The following NUTM2G variants were observed in gnomAD, a reference collection of about 807,000 sequenced individuals.
The protein encoded by NUTM2G is family with sequence similarity 22, member G.
Under a neutral mutation model 44.3 loss-of-function variants are expected in NUTM2G, and 29 were observed. That is an observed-to-expected ratio of 0.66 (90% confidence interval 0.49 to 0.89). The LOEUF is 0.89. Among genes scored for constraint, NUTM2G ranks in the 40% least tolerant of loss-of-function variants. The pLI, the probability that NUTM2G is intolerant of heterozygous loss-of-function variation, is 0.00. For missense variants in NUTM2G, 502 were observed against 946.5 expected, an observed-to-expected ratio of 0.53 and a Z score of 6.16; for synonymous variants, 205 against 395.9, an observed-to-expected ratio of 0.52 and a Z score of 5.72.
intron 2 of NUTM2G, among the ~76,000 whole-genome samples, chr9:96,933,201 AT>A (rs1260119164): frequency 1.4e-5 from 2 of 147,462 alleles, no homozygotes; most frequent in Non-Finnish European, 3.0e-5. Flanking sequence ...GATGCTCTCA[AT>A]CTCCTGCCCT....
chr9:96,929,106 T>G, intron 1 of NUTM2G, 66 bp downstream of exon 1: 1 of 1,610,156 alleles, frequency 6.2e-7, no homozygotes. Context: ...AATTCAAATT[T>G]GAACTGTCCC....
chr9:96,932,192 G>A lies in NUTM2G; in HGVS notation c.487G>A (p.Ala163Thr), dbSNP rs552792896. 1 of 1,613,802 alleles carries A rather than the reference G, an allele frequency of 6.2e-7. No homozygotes were observed. The highest frequency in any genetic ancestry group is 1.7e-5 in the Admixed American group (1 of 60,020). The change falls in exon 2 of 7, where the codon GCT becomes ACT. Residue 163 changes from alanine to threonine, a missense_variant. Coordinates refer to ENST00000372322, the MANE Select transcript of NUTM2G (RefSeq NM_001170741.3). ...HGLPLPPPPP[A>T]AQVAPIVSPG... ...CCTTCCTCTTCCACCACCACCACCG[G>A]CTGCCCAGGTGGCCCCCATCGTGTC...
intron 2 of NUTM2G, among the ~76,000 whole-genome samples, chr9:96,934,127 C>T (rs1319994373): frequency 6.6e-6 from 1 of 152,080 alleles, no homozygotes; most frequent in Non-Finnish European, 1.5e-5. Context: ...GCTCTGAGTG[C>T]ACCACGAGCC....
At position 96,931,078 on chromosome 9, in the gene NUTM2G, G is replaced by A. The variant is rs1371919597; in HGVS notation, c.17-644G>A. Among the ~76,000 whole-genome samples, 5 of 151,776 alleles carry A rather than the reference G, an allele frequency of 3.3e-5. No homozygotes were observed. In the East Asian group the frequency reaches 9.7e-4, roughly 30 times the overall value. ...TAATTTTTGTATTTTAGTAGAGATGGGGTTTCACCACGTTGGCCAGACTGG... is the reference window on the plus strand; with the variant it reads ...TAATTTTTGTATTTTAGTAGAGATGAGGTTTCACCACGTTGGCCAGACTGG... On this transcript the variant is annotated intron_variant, in intron 1 of 6. Coordinates refer to ENST00000372322, the MANE Select transcript of NUTM2G (RefSeq NM_001170741.3).
At chr9:96,938,095 G>A (rs998018665) in intron 6 of NUTM2G, 94 bp downstream of exon 6, 1 of 1,508,554 alleles carries the variant, frequency 6.6e-7, no homozygotes, top group Admixed American at 1.7e-5. Flanking sequence ...CACCCTGCTG[G>A]GGATGTTCAG....
chr9:96,933,962 T>G (rs144607406), intron 2 of NUTM2G: 3 of 152,234 alleles, frequency 2.0e-5, no homozygotes, highest in Non-Finnish European at 4.4e-5. Flanking sequence ...GGCAAAGAGA[T>G]GACTTGAACT....
At chr9:96,932,652 A>AT (rs34371040) in intron 2 of NUTM2G, among the ~76,000 whole-genome samples, 2,680 of 130,162 alleles carry the variant, frequency 0.021, 16 homozygotes, top group Non-Finnish European at 0.027. Flanking sequence ...CCAATCCTTA[A>AT]TTTTTTTTTT....
Position 96,937,015 on chromosome 9 carries a change from C to G in NUTM2G, c.983-49C>G, listed in dbSNP as rs568714976. On this transcript the variant is annotated intron_variant, in intron 4 of 6. Transcript: ENST00000372322. ...CCTGCCCTCCCCTGTGTGGTGCAGG[C>G]AGGAGGAGCGGCCCTCACCACACCC... The G allele has an allele frequency of 4.5e-4, 669 of 1,486,050 alleles. 8 individuals are homozygous for G. The African/African-American group carries it at 8.3e-3, about 18-fold the overall frequency. The allele number at this position is 1,486,050 out of a possible 1,614,324, so 92.1% of individuals were successfully genotyped here.
chr9:96,933,784 C>G (rs191238654), intron 2 of NUTM2G: 7 of 153,298 alleles, frequency 4.6e-5, no homozygotes, highest in African/African-American at 1.4e-4. Flanking sequence ...CAGCAGAAAC[C>G]TGGCACACAC....
rs992682784 is a variant in NUTM2G at position 96,936,476 on chromosome 9, G to A, written c.894G>A (p.Trp298Ter). ...AGATGCAGATTCAGAAATCGCAGTG[G>A]ATGAAGGGGCCCCAGAGCCTGCCTC... ...EEEMQIQKSQ[W>*]MKGPQSLPPP... Residue 298 changes from tryptophan (W) to a stop codon, truncating the protein, a stop_gained, in exon 4 of 7, where the codon TGG becomes TGA. Coordinates refer to ENST00000372322, the MANE Select transcript of NUTM2G (RefSeq NM_001170741.3). LOFTEE classifies it high-confidence loss of function. The A allele has an allele frequency of 1.1e-5, 18 of 1,565,898 alleles. No homozygotes were observed. The highest frequency in any genetic ancestry group is 1.1e-4 in the African/African-American group (8 of 74,168).
chr9:96,932,968 C>T (rs1157771622), intron 2 of NUTM2G, among the ~76,000 whole-genome samples: 4 of 147,136 alleles, frequency 2.7e-5, no homozygotes, highest in Non-Finnish European at 5.9e-5. Flanking sequence ...ACTTTCTTTT[C>T]TTTTCTTTTC....
chr9:96,937,466 G>A (rs1326971660), intron 5 of NUTM2G, 62 bp downstream of exon 5: 2 of 1,471,248 alleles, frequency 1.4e-6, no homozygotes, highest in African/African-American at 2.8e-5. Flanking sequence ...CCAGGTCCTT[G>A]GAATTAAGCT....
In NUTM2G at chr9:96,931,744, C is replaced by T. The variant is rs776945579; in HGVS notation, c.39C>T (p.Gly13=). The part of the protein sequence containing the change: ...SNGAYPVLGP[G]VTVNPGTSLS... ...CAGCATACCCAGTGCTGGGACCCGG[C>T]GTGACCGTGAACCCTGGCACCTCCC... Residue 13 remains glycine (G), a synonymous_variant, in exon 2 of 7, where the codon GGC becomes GGT. Transcript: ENST00000372322. 18 of 1,611,468 alleles carry T rather than the reference C, an allele frequency of 1.1e-5. No homozygotes were observed. The highest frequency in any genetic ancestry group is 6.6e-5 in the South Asian group (6 of 90,974).
chr9:96,937,178 CA>C lies in NUTM2G; in HGVS notation c.1098del (p.Ala367GlnfsTer53). 6.2e-7 allele frequency: 1 copy of C among 1,612,676 alleles called. No individual in the cohort carries two copies. The highest frequency in any genetic ancestry group is 1.1e-5 in the South Asian group (1 of 91,020). ...CTGCCACCACCCAGGCCCCCGAGGCCAGCAGAGACCAAGGTCCCTGAGGAGA... is the reference window on the plus strand; with the variant it reads ...CTGCCACCACCCAGGCCCCCGAGGCCGCAGAGACCAAGGTCCCTGAGGAGA... ...AHLPPPRPPR[P>X]AETKVPEEIP... On this transcript the variant is annotated frameshift_variant, in exon 5 of 7. Transcript: ENST00000372322. LOFTEE classifies it high-confidence loss of function.
downstream of NUTM2G, chr9:96,942,785 T>C (rs1350010016): frequency 1.3e-5 from 2 of 151,728 alleles, no homozygotes; most frequent in African/African-American, 4.9e-5. Context: ...TTCTCTGACA[T>C]TAAACACAAA....
At position 96,936,697 on chromosome 9, in the gene NUTM2G, T is replaced by C. The variant is rs118143446; in HGVS notation, c.982+133T>C. 244 of 1,442,992 alleles carry C rather than the reference T, an allele frequency of 1.7e-4. 1 individual carries two copies. The East Asian group carries it at 6.0e-3, about 36-fold the overall frequency. 89.4% of individuals were successfully genotyped at this position (1,442,992 alleles called of 1,614,324 possible). A position where few individuals can be genotyped will look rare whatever the true frequency, so the allele number is the denominator to read the frequency against. On this transcript the variant is annotated intron_variant, in intron 4 of 6. Coordinates refer to ENST00000372322, the MANE Select transcript of NUTM2G (RefSeq NM_001170741.3). Reference sequence around the variant, plus strand: ...TCCAACAGGACAGCTTCCGGGACTGTATGTTGGGTATTGACCAGGTCAATA... The same window carrying C: ...TCCAACAGGACAGCTTCCGGGACTGCATGTTGGGTATTGACCAGGTCAATA...
intron 4 of NUTM2G, among the ~76,000 whole-genome samples, chr9:96,936,846 C>G (rs2479294): frequency 7.2e-5 from 11 of 152,102 alleles, no homozygotes; most frequent in African/African-American, 1.4e-4. Context: ...AGAGATGAGC[C>G]GGGAGAGTAC....
intron 2 of NUTM2G, chr9:96,933,526 A>C (rs377021208): frequency 1.3e-5 from 2 of 151,220 alleles, no homozygotes; most frequent in East Asian, 3.9e-4. Context: ...GCCCGCCACC[A>C]TGCCCGGCTA....
downstream of NUTM2G, among the ~76,000 whole-genome samples, chr9:96,941,043 G>GT (rs1305550628): frequency 6.6e-6 from 1 of 150,798 alleles, no homozygotes; most frequent in Admixed American, 6.6e-5. Context: ...AGGAGACAAG[G>GT]TAACACCTCC....
Sources: allele counts gnomAD v4.1 joint callset (sites outside exome capture counted in the v4.1 genomes callset), GRCh38; gene constraint gnomAD v4.1.1; transcripts MANE v1.5; gene names NCBI Gene and HGNC (gene_info 2026-07-23, HGNC 2026-07-21).